Variants in WWOX observed in about 807,000 individuals in gnomAD.
WWOX encodes WW domain containing oxidoreductase, also known as WW domain-containing oxidoreductase.
In WWOX, 69 loss-of-function variants were observed where a neutral mutation model predicts 46.2. The observed-to-expected ratio is 1.49, with a 90% CI of 1.23 to 1.82. WWOX has a LOEUF of 1.82. WWOX is among the 40% of genes most tolerant of loss of function. The pLI, the probability that WWOX is intolerant of heterozygous loss-of-function variation, is 0.00. For synonymous variants in WWOX, 359 were observed against 202.6 expected, an observed-to-expected ratio of 1.77 and a Z score of -6.56; for missense variants, 919 against 542.6, an observed-to-expected ratio of 1.69 and a Z score of -6.89.
At chr16:78,916,715 C>A (rs567278750) in intron 8 of WWOX, among the ~76,000 whole-genome samples, 1 of 152,182 alleles carries the variant, frequency 6.6e-6, no homozygotes, top group African/African-American at 2.4e-5. Context: ...AAAAGTGATT[C>A]TTTCTAGGAT....
chr16:78,744,841 G>A (rs1382206765), intron 8 of WWOX, among the ~76,000 whole-genome samples: 1 of 152,212 alleles, frequency 6.6e-6, no homozygotes, highest in Non-Finnish European at 1.5e-5. Flanking sequence ...CCCACATGGT[G>A]ACTTCACTAA....
At chr16:79,008,831 C>A (rs1247550051) in intron 8 of WWOX, among the ~76,000 whole-genome samples, 1 of 152,188 alleles carries the variant, frequency 6.6e-6, no homozygotes, top group Non-Finnish European at 1.5e-5. Context: ...CAGCCGGAGA[C>A]CAGGGGGCCC....
At chr16:78,427,357 AC>A (rs1381964014) in intron 7 of WWOX, among the ~76,000 whole-genome samples, 1 of 152,184 alleles carries the variant, frequency 6.6e-6, no homozygotes, top group African/African-American at 2.4e-5. Context: ...GTTTCTGCAT[AC>A]CTAAAATACA....
chr16:79,085,169 CG>C (rs2048831765), intron 8 of WWOX, among the ~76,000 whole-genome samples: 1 of 152,118 alleles, frequency 6.6e-6, no homozygotes. Flanking sequence ...GACAAAAACA[CG>C]GGAGTACCAT....
In WWOX at chr16:78,970,997, C is replaced by G. The variant is rs908609170; in HGVS notation, c.1057-240611C>G. Among the ~76,000 whole-genome samples, 9 of 152,248 alleles carry G rather than the reference C, an allele frequency of 5.9e-5. 1 individual carries two copies. In the East Asian group the frequency reaches 9.6e-4, roughly 16 times the overall value. On this transcript the variant is annotated intron_variant, in intron 8 of 8. Coordinates refer to ENST00000566780, the MANE Select transcript of WWOX (RefSeq NM_016373.4). Reference sequence around the variant, plus strand: ...AAACAGCTGCCAGAAAATCCAGATTCCCATTCTCATGCTAGCTTCATAACA... The same window carrying G: ...AAACAGCTGCCAGAAAATCCAGATTGCCATTCTCATGCTAGCTTCATAACA...
intron 5 of WWOX, among the ~76,000 whole-genome samples, chr16:78,239,073 C>T (rs917505644): frequency 3.3e-5 from 5 of 152,160 alleles, no homozygotes; most frequent in East Asian, 1.9e-4. Context: ...ACGCATCCCC[C>T]GTGGATTCTC....
chr16:79,148,933 G>GT (rs975120115), intron 8 of WWOX, among the ~76,000 whole-genome samples: 2 of 151,906 alleles, frequency 1.3e-5, no homozygotes, highest in East Asian at 1.9e-4. Flanking sequence ...GTATTTGTTA[G>GT]TTTTTTTGAG....
chr16:78,548,062 G>C (rs923113622), intron 8 of WWOX, among the ~76,000 whole-genome samples: 2 of 150,490 alleles, frequency 1.3e-5, no homozygotes, highest in Non-Finnish European at 2.9e-5. Context: ...GGCTGAGGCA[G>C]GAGAATCACT....
intron 8 of WWOX, among the ~76,000 whole-genome samples, chr16:79,092,541 G>T (rs2048983690): frequency 6.6e-6 from 1 of 152,156 alleles, no homozygotes; most frequent in Admixed American, 6.5e-5. Context: ...CTGAGTTTCA[G>T]CTGCAGTTCA....
At chr16:79,011,305 A>G (rs536487730) in intron 8 of WWOX, among the ~76,000 whole-genome samples, 1 of 151,436 alleles carries the variant, frequency 6.6e-6, no homozygotes, top group Admixed American at 6.6e-5. Context: ...AATTAACACT[A>G]TTACGTAGTA....
At chr16:78,141,430 C>CTTTTTTTTT (rs10639685) in intron 4 of WWOX, among the ~76,000 whole-genome samples, 3 of 118,964 alleles carry the variant, frequency 2.5e-5, no homozygotes, top group East Asian at 2.5e-4. Context: ...CATCCCCCTT[C>CTTTTTTTTT]TTTTTTTTTT....
At chr16:78,718,093 T>G (rs774322965) in intron 8 of WWOX, among the ~76,000 whole-genome samples, 3 of 117,728 alleles carry the variant, frequency 2.5e-5, no homozygotes, top group Non-Finnish European at 5.5e-5. Context: ...GTTCTGGTGG[T>G]TGTATTTTTG....
intron 8 of WWOX, among the ~76,000 whole-genome samples, chr16:78,434,156 C>T (rs183346166): frequency 1.3e-5 from 2 of 152,120 alleles, no homozygotes; most frequent in Non-Finnish European, 2.9e-5. Flanking sequence ...GTAAGTATAT[C>T]TTTTATTCTA....
intron 8 of WWOX, among the ~76,000 whole-genome samples, chr16:78,925,881 C>T (rs998296009): frequency 8.5e-5 from 13 of 152,104 alleles, no homozygotes; most frequent in Admixed American, 5.9e-4. Context: ...TTCATTTGAT[C>T]CCACCCTTGC....
intron 4 of WWOX, among the ~76,000 whole-genome samples, chr16:78,117,434 A>T (rs954957661): frequency 2.0e-5 from 3 of 152,118 alleles, no homozygotes; most frequent in African/African-American, 7.2e-5. Flanking sequence ...GAAGATTTTT[A>T]TTCTGAATTT....
At chr16:78,944,243 T>C (rs1404591900) in intron 8 of WWOX, among the ~76,000 whole-genome samples, 1 of 152,110 alleles carries the variant, frequency 6.6e-6, no homozygotes, top group Non-Finnish European at 1.5e-5. Context: ...AAAAGTTGAC[T>C]CTCATAATTG....
In WWOX at chr16:78,389,419, C is replaced by A. The variant is rs932701430; in HGVS notation, c.605+2471C>A. On this transcript the variant is annotated intron_variant, in intron 6 of 8. Coordinates refer to ENST00000566780, the MANE Select transcript of WWOX (RefSeq NM_016373.4). Reference sequence around the variant, plus strand: ...CACAAGCTGTCACCTCAGTTGTCAGCTATTATGGATGGCTGACTCCTCAAA... The same window carrying A: ...CACAAGCTGTCACCTCAGTTGTCAGATATTATGGATGGCTGACTCCTCAAA... 3.3e-5 allele frequency among the ~76,000 whole-genome samples: 5 copies of A among 152,106 alleles called. No individual in the cohort carries two copies. In the East Asian group the frequency reaches 9.6e-4, roughly 29 times the overall value.
intron 8 of WWOX, among the ~76,000 whole-genome samples, chr16:78,830,595 AAATT>A (rs2051792812): frequency 6.6e-6 from 1 of 152,046 alleles, no homozygotes; most frequent in African/African-American, 2.4e-5. Flanking sequence ...CAAGGTCACT[AAATT>A]AAGCCTTCAG....
At chr16:78,458,000 C>T (rs941918880) in intron 8 of WWOX, among the ~76,000 whole-genome samples, 1 of 151,486 alleles carries the variant, frequency 6.6e-6, no homozygotes, top group Non-Finnish European at 1.5e-5. Context: ...CTGCCTGAAC[C>T]TGGGAGGCGG....
Sources: gnomAD v4.1 joint callset for allele counts (sites outside exome capture counted in the v4.1 genomes callset) on GRCh38, gnomAD v4.1.1 for gene constraint, MANE v1.5 for transcripts, NCBI Gene and HGNC (gene_info 2026-07-23, HGNC 2026-07-21) for gene names.